Variants in GOLGA2 observed in about 807,000 individuals in gnomAD.
The protein encoded by GOLGA2 is golgin A2, also known as golgin subfamily A member 2.
Under a neutral mutation model 148.8 loss-of-function variants are expected in GOLGA2, and 49 were observed. That is an observed-to-expected ratio of 0.33 (90% CI 0.26 to 0.42). The LOEUF is 0.42. GOLGA2 is among the 10% of genes least tolerant of loss of function. GOLGA2 has a pLI of 1.00. For missense variants in GOLGA2, 1,178 were observed against 1,304.6 expected, an observed-to-expected ratio of 0.90 and a Z score of 1.49; for synonymous variants, 501 against 511.8, an observed-to-expected ratio of 0.98 and a Z score of 0.28.
At position 128,257,747 on chromosome 9, in the gene GOLGA2, C is replaced by A. The variant is rs754464845; in HGVS notation, c.2612-40G>T. 4.3e-6 allele frequency: 7 copies of A among 1,609,624 alleles called. No homozygotes were observed. The highest frequency in any genetic ancestry group is 6.0e-6 in the Non-Finnish European group (7 of 1,176,024). On this transcript the variant is annotated intron_variant, in intron 24 of 26. Coordinates refer to ENST00000611957, the MANE Select transcript of GOLGA2 (RefSeq NM_001366244.2). This position sits in a 1 kb window ranked among gnomAD's most constrained non-coding sequence, Gnocchi z 8.0. ...GGCTCAGATGCTGGGTTCCCTCCGA[C>A]CGCTGTGCAGCTCCTCCTGCCGTGC... is the stretch of plus-strand genomic sequence containing the variant.
chr9:128,260,971 G>A lies in GOLGA2; in HGVS notation c.1421-169C>T, dbSNP rs1830236715. On this transcript the variant is annotated intron_variant, in intron 17 of 26. Transcript: ENST00000611957. The surrounding 1 kb of genome is among the most constrained non-coding windows in gnomAD (Gnocchi z 4.8). ...TTTCCGATAGCGACAACTGTGGGTGGCTGACAACGGGCACTCCTTCGTCTT... is the reference window on the plus strand; with the variant it reads ...TTTCCGATAGCGACAACTGTGGGTGACTGACAACGGGCACTCCTTCGTCTT... The A allele has an allele frequency of 1.5e-6, 1 of 660,812 alleles. No individual in the cohort carries two copies. Among genetic ancestry groups the A allele is most frequent in the East Asian group, 2.7e-5 (1 of 36,854 alleles). 40.9% of individuals were successfully genotyped at this position (660,812 alleles called of 1,614,324 possible).
Position 128,260,349 on chromosome 9 carries a change from G to T in GOLGA2, c.1758+116C>A. 9.2e-7 allele frequency: 1 copy of T among 1,085,242 alleles called. No individual in the cohort carries two copies. Among genetic ancestry groups the T allele is most frequent in the Non-Finnish European group, 1.4e-6 (1 of 719,682 alleles). 67.2% of individuals were successfully genotyped at this position (1,085,242 alleles called of 1,614,324 possible). A position where few individuals can be genotyped will look rare whatever the true frequency, so the allele number is the denominator to read the frequency against. On this transcript the variant is annotated intron_variant, in intron 18 of 26. Transcript: ENST00000611957. This position sits in a 1 kb window ranked among gnomAD's most constrained non-coding sequence, Gnocchi z 4.8. ...CATCGGAGCAGGGCTCTGGCTCACA[G>T]ATGCCTCCAGAAGTACCATTTCAAG...
intron 12 of GOLGA2, among the ~76,000 whole-genome samples, chr9:128,264,252 T>G (rs1188118323): frequency 6.6e-6 from 1 of 150,378 alleles, no homozygotes; most frequent in Non-Finnish European, 1.5e-5. Flanking sequence ...TGTATTTATT[T>G]GAGATGGAGT....
chr9:128,257,579 C>G lies in GOLGA2; in HGVS notation c.2718+22G>C. The G allele has an allele frequency of 2.5e-6, 4 of 1,614,084 alleles. No homozygotes were observed. The highest frequency in any genetic ancestry group is 3.4e-6 in the Non-Finnish European group (4 of 1,179,950). On this transcript the variant is annotated intron_variant, in intron 25 of 26. Coordinates refer to ENST00000611957, the MANE Select transcript of GOLGA2 (RefSeq NM_001366244.2). The surrounding 1 kb of genome is among the most constrained non-coding windows in gnomAD (Gnocchi z 8.0). ...CCCATGCCCGTGCCCACCTCCACCCCCAGAGATGTTCCACACCCTACCTTC... is the reference window on the plus strand; with the variant it reads ...CCCATGCCCGTGCCCACCTCCACCCGCAGAGATGTTCCACACCCTACCTTC...
chr9:128,262,942 A>G, intron 13 of GOLGA2, 92 bp downstream of exon 13: 1 of 916,380 alleles, frequency 1.1e-6, no homozygotes, highest in Non-Finnish European at 1.8e-6. Context: ...CTCTATGACT[A>G]CCTCATCATG....
In GOLGA2 at chr9:128,272,873, A is replaced by C; in HGVS notation, c.208-8T>G. 1 of 1,246,066 alleles carries C rather than the reference A, an allele frequency of 8.0e-7. No individual in the cohort carries two copies. Among genetic ancestry groups the C allele is most frequent in the Non-Finnish European group, 1.1e-6 (1 of 952,000 alleles). The allele number at this position is 1,246,066 out of a possible 1,614,324, so 77.2% of individuals were successfully genotyped here. A position where few individuals can be genotyped will look rare whatever the true frequency, so the allele number is the denominator to read the frequency against. On this transcript the variant is annotated splice_region_variant and splice_polypyrimidine_tract_variant and intron_variant, in intron 2 of 26. Coordinates refer to ENST00000611957, the MANE Select transcript of GOLGA2 (RefSeq NM_001366244.2). Reference sequence around the variant, plus strand: ...CTTCAGAATGTCCTGAATCTACAGGAGGCGAAAAGGGAAAAACAAGGGCAG... The same window carrying C: ...CTTCAGAATGTCCTGAATCTACAGGCGGCGAAAAGGGAAAAACAAGGGCAG...
rs1363414045 is a variant in GOLGA2, at chr9:128,266,366, C to T, written c.643-41G>A. On this transcript the variant is annotated intron_variant, in intron 8 of 26. Transcript: ENST00000611957. The surrounding 1 kb of genome is among the most constrained non-coding windows in gnomAD (Gnocchi z 4.2). ...AAAGGAAGGTGACTGAGGGTGGCCCCCTCAACTCTATTCCCCAGACCAGGA... is the reference window on the plus strand; with the variant it reads ...AAAGGAAGGTGACTGAGGGTGGCCCTCTCAACTCTATTCCCCAGACCAGGA... 4.4e-6 allele frequency: 7 copies of T among 1,581,340 alleles called. No homozygotes were observed. The highest frequency in any genetic ancestry group is 6.1e-6 in the Non-Finnish European group (7 of 1,152,474).
In GOLGA2 at chr9:128,256,197, G is replaced by C. The variant is rs559818868; in HGVS notation, c.*870C>G. The C allele has an allele frequency of 1.3e-5, 2 of 152,682 alleles. No homozygotes were observed. Among genetic ancestry groups the C allele is most frequent in the South Asian group, 4.1e-4 (2 of 4,832 alleles). 9.5% of individuals were successfully genotyped at this position (152,682 alleles called of 1,614,324 possible). A position where few individuals can be genotyped will look rare whatever the true frequency, so the allele number is the denominator to read the frequency against. On this transcript the variant is annotated 3_prime_UTR_variant, in exon 27 of 27. Transcript: ENST00000611957. ...CCCCCCTGAGGGAAAAATTGCTTTG[G>C]TGAGAGTAAGGAGGCCATGAGGCCT...
chr9:128,268,468 G>A lies in GOLGA2; in HGVS notation c.345C>T (p.Gly115=), dbSNP rs368496788. 5.2e-5 allele frequency: 84 copies of A among 1,611,958 alleles called. No individual in the cohort carries two copies. The highest frequency in any genetic ancestry group is 1.6e-4 in the Middle Eastern group (1 of 6,084). Residue 115 remains glycine (G), a synonymous_variant, in exon 4 of 27, where the codon GGC becomes GGT. Transcript: ENST00000611957. The part of the protein sequence containing the change: ...LQPSDDTVLP[G]GVPSPGASLT... ...GACTGGCACCAGGGGAAGGGACACC[G>A]CCAGGTAACACGGTGTCATCAGATG...
rs1830121513 is a variant in GOLGA2 at position 128,259,489 on chromosome 9, T to C, written c.1873-98A>G. ...GAGGGCTCTGTCACCTGCCCAGACC[T>C]CTGGCCCCTTGCTCCAGGCCTAAGT... On this transcript the variant is annotated intron_variant, in intron 19 of 26. Transcript: ENST00000611957. 4.1e-6 allele frequency: 3 copies of C among 724,752 alleles called. No homozygotes were observed. In the South Asian group the frequency reaches 5.4e-5, roughly 13 times the overall value. 44.9% of individuals were successfully genotyped at this position (724,752 alleles called of 1,614,324 possible). A position where few individuals can be genotyped will look rare whatever the true frequency, so the allele number is the denominator to read the frequency against.
intron 7 of GOLGA2, 38 bp from the exon 8 acceptor site, chr9:128,267,312 T>TG: frequency 6.8e-7 from 1 of 1,472,840 alleles, no homozygotes; most frequent in Non-Finnish European, 9.5e-7. Context: ...GGAGGAGGAT[T>TG]GGGGGGAGAG....
intron 1 of GOLGA2, chr9:128,275,388 G>T: frequency 7.8e-7 from 1 of 1,284,958 alleles, no homozygotes; most frequent in African/African-American, 1.5e-5. Context: ...TCAGCGCGAC[G>T]TCCAAGTCGC....
intron 12 of GOLGA2, among the ~76,000 whole-genome samples, chr9:128,264,879 CAT>C (rs1271491316): frequency 2.6e-5 from 4 of 152,220 alleles, no homozygotes; most frequent in South Asian, 2.1e-4. Flanking sequence ...ATAACCACCA[CAT>C]GAGACAGTTA....
intron 3 of GOLGA2, among the ~76,000 whole-genome samples, chr9:128,270,983 A>T (rs1275335424): frequency 1.3e-5 from 2 of 152,080 alleles, no homozygotes; most frequent in Non-Finnish European, 2.9e-5. Flanking sequence ...CGGGAGGGGG[A>T]GGTTGCAGTG....
Position 128,258,373 on chromosome 9 carries a change from C to T in GOLGA2, c.2289+82G>A, listed in dbSNP as rs1232769355. The T allele has an allele frequency of 1.5e-6, 2 of 1,341,328 alleles. No homozygotes were observed. The highest frequency in any genetic ancestry group is 2.9e-5 in the African/African-American group (2 of 69,016). 83.1% of individuals were successfully genotyped at this position (1,341,328 alleles called of 1,614,324 possible). A position where few individuals can be genotyped will look rare whatever the true frequency, so the allele number is the denominator to read the frequency against. Reference sequence around the variant, plus strand: ...GTGAGGGTCCGAAGAAATCAGAAGGCCGGGAAACCAAGAGCAGAAGGGGGT... The same window carrying T: ...GTGAGGGTCCGAAGAAATCAGAAGGTCGGGAAACCAAGAGCAGAAGGGGGT... On this transcript the variant is annotated intron_variant, in intron 22 of 26. Coordinates refer to ENST00000611957, the MANE Select transcript of GOLGA2 (RefSeq NM_001366244.2). This position sits in a 1 kb window ranked among gnomAD's most constrained non-coding sequence, Gnocchi z 6.6.
chr9:128,263,143 G>A (rs370531927), intron 12 of GOLGA2, 51 bp from the exon 13 acceptor site: 5 of 1,135,860 alleles, frequency 4.4e-6, no homozygotes, highest in Non-Finnish European at 6.7e-6. Context: ...AGGAGCAGCT[G>A]GCCAACCAGT....
chr9:128,259,034 A>G lies in GOLGA2; in HGVS notation c.2146T>C (p.Leu716=), dbSNP rs762336371. ...TQQNQQLRAQ[L]SLMAHPGEGD... ...TCCCCAGGGTGAGCCATGAGGCTCA[A>G]CTGGGCCCGTAGCTGCTGATTCTGC... Residue 716 remains leucine (L), a synonymous_variant, in exon 21 of 27, where the codon TTG becomes CTG. Coordinates refer to ENST00000611957, the MANE Select transcript of GOLGA2 (RefSeq NM_001366244.2). The G allele has an allele frequency of 2.1e-5, 33 of 1,609,178 alleles. No individual in the cohort carries two copies. The highest frequency in any genetic ancestry group is 8.0e-5 in the African/African-American group (6 of 74,896).
chr9:128,267,904 C>A (rs1249765372), intron 6 of GOLGA2, 30 bp downstream of exon 6: 5 of 1,555,002 alleles, frequency 3.2e-6, no homozygotes, highest in Non-Finnish European at 3.6e-6. Flanking sequence ...CTTCCCCCCA[C>A]CCCGCTCTCG....
In GOLGA2 at chr9:128,260,289, G is replaced by A. The variant is rs1382419823; in HGVS notation, c.1759-100C>T. On this transcript the variant is annotated intron_variant, in intron 18 of 26. Transcript: ENST00000611957. This position sits in a 1 kb window ranked among gnomAD's most constrained non-coding sequence, Gnocchi z 4.8. ...TCCCATGGCACCGGGAAGGGTGGAG[G>A]CAGGTTAGAAAAATCATCCCCTCTC... 3 of 1,199,346 alleles carry A rather than the reference G, an allele frequency of 2.5e-6. No homozygotes were observed. The highest frequency in any genetic ancestry group is 3.7e-6 in the Non-Finnish European group (3 of 815,738). The allele number at this position is 1,199,346 out of a possible 1,614,324, so 74.3% of individuals were successfully genotyped here.
Sources: gnomAD v4.1 joint callset for allele counts (sites outside exome capture counted in the v4.1 genomes callset) on GRCh38, gnomAD v4.1.1 for gene constraint, Gnocchi (gnomAD v3.1) non-coding constraint, MANE v1.5 for transcripts, NCBI Gene and HGNC (gene_info 2026-07-23, HGNC 2026-07-21) for gene names.